LNPK: variants seen among roughly 807,000 people sequenced by gnomAD.
LNPK encodes the protein endoplasmic reticulum junction formation protein lunapark.
Under a neutral mutation model 55.2 loss-of-function variants are expected in LNPK, and 29 were observed. The ratio of observed to expected loss-of-function variants is 0.53; its 90% CI spans 0.39 to 0.72. The LOEUF is 0.72. LNPK is among the 30% of genes least tolerant of loss of function. The pLI is 0.00. For synonymous variants in LNPK, 162 were observed against 168.2 expected (o/e 0.96, Z 0.29); for missense variants, 467 against 494.8 (o/e 0.94, Z 0.53).
intron 8 of LNPK, among the ~76,000 whole-genome samples, chr2:175,953,805 T>C (rs1685546818): frequency 6.6e-6 from 1 of 150,660 alleles, no homozygotes; most frequent in Admixed American, 6.6e-5. Context: ...CTTCATAAAA[T>C]GCTAACTTGA....
chr2:175,940,973 C>A (rs955995595), intron 9 of LNPK: 2 of 454,270 alleles, frequency 4.4e-6, no homozygotes, highest in South Asian at 1.6e-5. Flanking sequence ...GACAACCAGG[C>A]GCAGTAGCTC....
At position 175,964,515 on chromosome 2, in the gene LNPK, CTTT is replaced by C; in HGVS notation, c.429_431del (p.Lys145del). 1 of 1,607,148 alleles carries C rather than the reference CTTT, an allele frequency of 6.2e-7. No individual in the cohort carries two copies. The highest frequency in any genetic ancestry group is 8.5e-7 in the Non-Finnish European group (1 of 1,173,844). On this transcript the variant is annotated inframe_deletion, in exon 7 of 13. Transcript: ENST00000272748. ...GATATCACAGTCTTACCTTTGCTTT[CTTT>C]GAGTCCGGATCAAACCTTTCAAGAA...
chr2:175,995,078 C>T (rs1007458606), intron 2 of LNPK, among the ~76,000 whole-genome samples: 5 of 151,710 alleles, frequency 3.3e-5, no homozygotes, highest in Non-Finnish European at 7.4e-5. Flanking sequence ...CGCAACACTA[C>T]GCCCAGCTAA....
At chr2:175,997,143 T>C (rs1687970136) in intron 1 of LNPK, among the ~76,000 whole-genome samples, 2 of 152,198 alleles carry the variant, frequency 1.3e-5, no homozygotes, top group South Asian at 4.1e-4. Flanking sequence ...AGTGCCTAAC[T>C]GTAAAATACT....
Position 175,927,227 on chromosome 2 carries a change from TGA to T in LNPK, c.*2738_*2739del, listed in dbSNP as rs1265927292. On this transcript the variant is annotated 3_prime_UTR_variant, in exon 13 of 13. Coordinates refer to ENST00000272748, the MANE Select transcript of LNPK (RefSeq NM_030650.3). ...TACTGCCAAGCAGTGAAACAAGAACTGAGAGTTTTCACTGGATTTGGCAACAA... is the reference window on the plus strand; with the variant it reads ...TACTGCCAAGCAGTGAAACAAGAACTGAGTTTTCACTGGATTTGGCAACAA... The T allele has an allele frequency of 3.9e-5, 6 of 152,312 alleles. No individual in the cohort carries two copies. The highest frequency in any genetic ancestry group is 1.9e-4 in the East Asian group (1 of 5,184). The allele number at this position is 152,312 out of a possible 1,614,324, so 9.4% of individuals were successfully genotyped here.
intron 4 of LNPK, among the ~76,000 whole-genome samples, chr2:175,990,919 C>A (rs1161362719): frequency 6.6e-6 from 1 of 151,448 alleles, no homozygotes; most frequent in Non-Finnish European, 1.5e-5. Flanking sequence ...AGCTTCATAC[C>A]CAAAATATCA....
intron 5 of LNPK, among the ~76,000 whole-genome samples, chr2:175,978,416 G>A (rs373632418): frequency 2.6e-4 from 40 of 152,206 alleles, no homozygotes; most frequent in African/African-American, 8.7e-4. Context: ...TCTATTTTCT[G>A]TATAAAGTAA....
chr2:175,954,050 C>T (rs1685560776), intron 8 of LNPK, among the ~76,000 whole-genome samples: 1 of 152,114 alleles, frequency 6.6e-6, no homozygotes, highest in African/African-American at 2.4e-5. Flanking sequence ...CTGAAGAGTA[C>T]TTTTTCAATC....
At chr2:175,945,540 A>C (rs1685084096) in intron 9 of LNPK, among the ~76,000 whole-genome samples, 1 of 150,712 alleles carries the variant, frequency 6.6e-6, no homozygotes, top group African/African-American at 2.4e-5. Flanking sequence ...AGATTCCATC[A>C]GCTAAGTTAC....
intron 4 of LNPK, 129 bp downstream of exon 4, chr2:175,992,102 G>A (rs1002343872): frequency 1.0e-5 from 6 of 589,030 alleles, no homozygotes; most frequent in Non-Finnish European, 1.4e-5. Context: ...TTTTCAAATT[G>A]TGAAAGAAAT....
At chr2:175,996,999 T>A (rs1278249691) in intron 1 of LNPK, among the ~76,000 whole-genome samples, 5 of 152,200 alleles carry the variant, frequency 3.3e-5, no homozygotes, top group African/African-American at 4.8e-5. Flanking sequence ...GTCACACTTC[T>A]CATATTTTTT....
intron 5 of LNPK, among the ~76,000 whole-genome samples, chr2:175,978,459 G>A (rs1305138514): frequency 2.0e-5 from 3 of 152,094 alleles, no homozygotes; most frequent in Non-Finnish European, 4.4e-5. Context: ...GGTAGATTTT[G>A]TAAGGTTTGT....
chr2:175,944,936 GT>G (rs368639578), intron 9 of LNPK, among the ~76,000 whole-genome samples: 18 of 146,362 alleles, frequency 1.2e-4, no homozygotes, highest in Admixed American at 6.1e-4. Context: ...AGTACACTTT[GT>G]TTTTTTTTTG....
chr2:175,963,941 AT>A (rs1686201309), intron 8 of LNPK, among the ~76,000 whole-genome samples: 1 of 151,960 alleles, frequency 6.6e-6, no homozygotes, highest in African/African-American at 2.4e-5. Context: ...CATTTTTCTT[AT>A]TTCTAAATTA....
intron 9 of LNPK, among the ~76,000 whole-genome samples, chr2:175,941,790 CAA>C (rs59162981): frequency 1.9e-4 from 10 of 51,934 alleles, no homozygotes; most frequent in African/African-American, 2.4e-4. Flanking sequence ...GATTCCATCT[CAA>C]AAAAAAAAAA....
intron 1 of LNPK, among the ~76,000 whole-genome samples, chr2:175,999,279 C>T (rs1319292705): frequency 6.6e-6 from 1 of 152,174 alleles, no homozygotes; most frequent in Non-Finnish European, 1.5e-5. Flanking sequence ...CTGGTGCTCT[C>T]CTTTCCACCC....
upstream of LNPK, chr2:176,002,407 G>C (rs1308875276): frequency 5.8e-6 from 2 of 342,888 alleles, no homozygotes; most frequent in East Asian, 9.5e-5. Flanking sequence ...CGGGAGGTTA[G>C]GATCTTGTGT....
chr2:175,941,125 C>T (rs995433372), intron 9 of LNPK: 3 of 365,632 alleles, frequency 8.2e-6, no homozygotes, highest in East Asian at 8.0e-5. Context: ...GTGACATGCA[C>T]CTGTAGTCCC....
intron 1 of LNPK, among the ~76,000 whole-genome samples, chr2:175,996,142 A>G (rs1687923714): frequency 6.6e-6 from 1 of 152,128 alleles, no homozygotes; most frequent in African/African-American, 2.4e-5. Flanking sequence ...CCATTCTTCA[A>G]AACCAGAACA....
Sources: gnomAD v4.1 joint callset for allele counts (sites outside exome capture counted in the v4.1 genomes callset) on GRCh38, gnomAD v4.1.1 for gene constraint, MANE v1.5 for transcripts, NCBI Gene and HGNC (gene_info 2026-07-23, HGNC 2026-07-21) for gene names.